Variants in NAA25 observed in about 807,000 individuals in gnomAD.
NAA25 encodes N-alpha-acetyltransferase 25, NatB auxiliary subunit, also known as N-terminal acetyltransferase B complex subunit NAA25.
A neutral mutation model predicts 132.5 loss-of-function variants in NAA25; 30 were observed. The ratio of observed to expected loss-of-function variants is 0.23; its 90% CI spans 0.17 to 0.31. NAA25 has a LOEUF of 0.31. Ranked by LOEUF, NAA25 falls within the 10% of genes least tolerant of loss-of-function variation. The pLI is 1.00. For missense variants in NAA25, 771 were observed against 1,150.4 expected (o/e 0.67, Z 4.77); for synonymous variants, 359 against 401.9 (o/e 0.89, Z 1.28).
rs1249664443 is a variant in NAA25, at chr12:112,072,097, T to A, written c.867-33A>T. ...AAAGCACATGAAAAAGGAATTTTATTGCCTCTATTGTCCTTCCCGAAGCTT... is the reference window on the plus strand; with the variant it reads ...AAAGCACATGAAAAAGGAATTTTATAGCCTCTATTGTCCTTCCCGAAGCTT... On this transcript the variant is annotated intron_variant, in intron 9 of 23. Coordinates refer to ENST00000261745, the MANE Select transcript of NAA25 (RefSeq NM_024953.4). 2.5e-6 allele frequency: 4 copies of A among 1,587,732 alleles called. No homozygotes were observed. The African/African-American group carries it at 4.0e-5, about 16-fold the overall frequency.
At chr12:112,047,183 G>A (rs1593761115) in intron 17 of NAA25, among the ~76,000 whole-genome samples, 1 of 146,252 alleles carries the variant, frequency 6.8e-6, no homozygotes, top group Non-Finnish European at 1.5e-5. Context: ...TTTTATATTT[G>A]TGTAAAGTGA....
At chr12:112,067,178 G>C (rs1314403666) in intron 11 of NAA25, among the ~76,000 whole-genome samples, 1 of 151,818 alleles carries the variant, frequency 6.6e-6, no homozygotes, top group South Asian at 2.1e-4. Flanking sequence ...CAGCCTGGGC[G>C]ACAGAGCGAG....
At position 112,060,312 on chromosome 12, in the gene NAA25, G is replaced by C. The variant is rs772224167; in HGVS notation, c.1405C>G (p.Leu469Val). 5.6e-6 allele frequency: 9 copies of C among 1,613,616 alleles called. No homozygotes were observed. The highest frequency in any genetic ancestry group is 2.2e-5 in the East Asian group (1 of 44,854). Reference protein sequence around the residue: ...TELQFSDYYCLLAVHALIDVW... With the variant: ...TELQFSDYYCVLAVHALIDVW... ...TCAATAAGCGCATGGACAGCAAGGA[G>C]ACAGTAATAGTCAGAAAATTGCAAT... The change falls in exon 13 of 24, where the codon CTC becomes GTC. Residue 469 changes from leucine (L) to valine (V), a missense_variant. Physicochemically the swap from Leu to Val is conservative, Grantham distance 32 (BLOSUM62 1). This residue lies in a region of NAA25 where 417 missense variants were observed against 733.8 expected (regional missense o/e 0.57). Transcript: ENST00000261745.
intron 22 of NAA25, among the ~76,000 whole-genome samples, chr12:112,038,724 A>C (rs112978387): frequency 7.2e-5 from 11 of 152,328 alleles, no homozygotes; most frequent in African/African-American, 2.6e-4. Flanking sequence ...TCACGCCTGT[A>C]ATCTCAGCAC....
intron 2 of NAA25, among the ~76,000 whole-genome samples, chr12:112,091,464 G>A (rs1315631530): frequency 6.6e-6 from 1 of 151,874 alleles, no homozygotes; most frequent in African/African-American, 2.4e-5. Flanking sequence ...CGAGGCGGGA[G>A]GATTGCTTGA....
intron 4 of NAA25, among the ~76,000 whole-genome samples, chr12:112,083,840 GC>G (rs1236296696): frequency 6.6e-6 from 1 of 152,152 alleles, no homozygotes; most frequent in Non-Finnish European, 1.5e-5. Context: ...TTCAAGACCA[GC>G]CTGGGAAACA....
chr12:112,033,133 T>C (rs2078171722), intron 23 of NAA25, 100 bp downstream of exon 23: 6 of 1,334,352 alleles, frequency 4.5e-6, no homozygotes, highest in Admixed American at 2.6e-5. Flanking sequence ...GAGGAAATGA[T>C]AAATTGAACT....
intron 1 of NAA25, chr12:112,097,503 A>G (rs1170768742): frequency 6.6e-6 from 1 of 150,484 alleles, no homozygotes; most frequent in Non-Finnish European, 1.5e-5. Flanking sequence ...GCTACTCGGG[A>G]GGCTGAGGTA....
At chr12:112,084,587 G>A (rs1029031352) in intron 4 of NAA25, among the ~76,000 whole-genome samples, 1 of 151,402 alleles carries the variant, frequency 6.6e-6, no homozygotes, top group Non-Finnish European at 1.5e-5. Flanking sequence ...TCAAGAGATC[G>A]AGACCAGCCT....
rs1468421331 is a variant in NAA25, at chr12:112,048,196, A to G, written c.1880+96T>C. Reference sequence around the variant, plus strand: ...TCTCTCCCTTTTTTCCCCCTATTTTACCTTAAGCCTGCCAATAACACCCAT... The same window carrying G: ...TCTCTCCCTTTTTTCCCCCTATTTTGCCTTAAGCCTGCCAATAACACCCAT... On this transcript the variant is annotated intron_variant, in intron 16 of 23. Transcript: ENST00000261745. 4 of 1,212,652 alleles carry G rather than the reference A, an allele frequency of 3.3e-6. No homozygotes were observed. In the African/African-American group the frequency reaches 6.1e-5, roughly 18 times the overall value. The allele number at this position is 1,212,652 out of a possible 1,614,324, so 75.1% of individuals were successfully genotyped here.
intron 4 of NAA25, among the ~76,000 whole-genome samples, chr12:112,082,867 C>T (rs923026156): frequency 9.9e-5 from 15 of 151,526 alleles, no homozygotes; most frequent in South Asian, 6.3e-4. Flanking sequence ...TGTATCAACG[C>T]GAAGTAGGAG....
At chr12:112,099,165 CT>C (rs2136942698) in intron 1 of NAA25, among the ~76,000 whole-genome samples, 1 of 151,860 alleles carries the variant, frequency 6.6e-6, no homozygotes, top group East Asian at 1.9e-4. Flanking sequence ...TTTTTTTGTA[CT>C]TTTAGTAGAG....
At chr12:112,073,583 C>A (rs1434567958) in intron 9 of NAA25, among the ~76,000 whole-genome samples, 1 of 152,068 alleles carries the variant, frequency 6.6e-6, no homozygotes, top group Non-Finnish European at 1.5e-5. Context: ...ACTACAGGCG[C>A]CCGCCACCAC....
intron 1 of NAA25, among the ~76,000 whole-genome samples, chr12:112,094,755 G>A (rs1320935630): frequency 6.6e-6 from 1 of 152,162 alleles, no homozygotes; most frequent in Non-Finnish European, 1.5e-5. Flanking sequence ...TGCCTCCTGA[G>A]TTCAAGCAAT....
At chr12:112,069,723 G>T (rs1281804897) in intron 10 of NAA25, among the ~76,000 whole-genome samples, 1 of 151,778 alleles carries the variant, frequency 6.6e-6, no homozygotes, top group African/African-American at 2.4e-5. Context: ...GGGAGGCTGA[G>T]GCAGGAGAAC....
intron 1 of NAA25, among the ~76,000 whole-genome samples, chr12:112,095,478 C>T (rs2079199372): frequency 6.6e-6 from 1 of 151,180 alleles, no homozygotes; most frequent in South Asian, 2.1e-4. Context: ...TACGGTGGCG[C>T]ATGCCTATAG....
Position 112,039,265 on chromosome 12 carries a change from T to C in NAA25, c.2613A>G (p.Lys871=), listed in dbSNP as rs1348718681. Residue 871 remains lysine (K), a synonymous_variant, in exon 22 of 24, where the codon AAA becomes AAG. Coordinates refer to ENST00000261745, the MANE Select transcript of NAA25 (RefSeq NM_024953.4). ...VLRPYKLNLQ[K]KKKKKKETSI... ...TGGTTTCTTTTTTCTTCTTTTTCTT[T>C]TTCTGTAAATTTAGTTTGTATGGTC... 1.9e-6 allele frequency: 3 copies of C among 1,607,024 alleles called. No individual in the cohort carries two copies. In the Admixed American group the frequency reaches 5.1e-5, roughly 27 times the overall value.
chr12:112,087,759 A>G lies in NAA25; in HGVS notation c.326T>C (p.Val109Ala), dbSNP rs1348502060. ...AGAGTGATACTCCTCACTATTGGGA[A>G]CTTTCTTCACAGCTGCCTCATAAAG... ...TKLYEAAVKK[V>A]PNSEEYHSHL... Residue 109 changes from valine to alanine, a missense_variant, in exon 4 of 24, where the codon GTT becomes GCT. This residue lies in a region of NAA25 where 417 missense variants were observed against 733.8 expected (regional missense o/e 0.57). Transcript: ENST00000261745. 1 of 1,614,098 alleles carries G rather than the reference A, an allele frequency of 6.2e-7. No homozygotes were observed. The highest frequency in any genetic ancestry group is 8.5e-7 in the Non-Finnish European group (1 of 1,179,938).
At chr12:112,045,742 C>A (rs1337196224) in intron 17 of NAA25, among the ~76,000 whole-genome samples, 1 of 152,024 alleles carries the variant, frequency 6.6e-6, no homozygotes, top group Admixed American at 6.6e-5. Context: ...TTGCAGTGAG[C>A]CGAGATCATG....
Sources: allele counts gnomAD v4.1 joint callset (sites outside exome capture counted in the v4.1 genomes callset), GRCh38; gene constraint gnomAD v4.1.1; regional missense constraint gnomAD v4.1.1; transcripts MANE v1.5; gene names NCBI Gene and HGNC (gene_info 2026-07-23, HGNC 2026-07-21).